The following FANCC variants were observed in gnomAD, a reference collection of about 807,000 sequenced individuals.
FANCC encodes Fanconi anemia group C protein.
FANCC carries 55 observed loss-of-function variants against 71.3 expected under a neutral mutation model. The ratio of observed to expected loss-of-function variants is 0.77; its 90% confidence interval spans 0.62 to 0.97. The LOEUF (loss-of-function observed/expected upper bound fraction) is 0.97, where lower values mean the gene tolerates loss of function less well. FANCC is among the 50% of genes least tolerant of loss of function. The pLI, the probability that FANCC is intolerant of heterozygous loss-of-function variation, is 0.00. For synonymous variants in FANCC, 275 were observed against 244.9 expected, an observed-to-expected ratio of 1.12 and a Z score of -1.15; for missense variants, 678 against 670.9, an observed-to-expected ratio of 1.01 and a Z score of -0.12.
intron 12 of FANCC, among the ~76,000 whole-genome samples, chr9:95,113,052 G>A (rs965737028): frequency 7.2e-5 from 11 of 152,230 alleles, no homozygotes; most frequent in Non-Finnish European, 1.5e-4. Flanking sequence ...CTGTCCCCGA[G>A]TTAAGATTCT....
intron 1 of FANCC, among the ~76,000 whole-genome samples, chr9:95,263,636 G>C (rs1245794398): frequency 6.6e-6 from 1 of 152,048 alleles, no homozygotes; most frequent in Admixed American, 6.5e-5. Context: ...AGCTGTCAGA[G>C]AGAGGTCATC....
At chr9:95,126,505 T>C (rs960624065) in intron 9 of FANCC, 24 bp downstream of exon 9, 1 of 1,608,914 alleles carries the variant, frequency 6.2e-7, no homozygotes, top group Non-Finnish European at 8.5e-7. Flanking sequence ...CATCAATTAC[T>C]AGAAGAAACA....
At chr9:95,128,171 G>A (rs904236167) in intron 8 of FANCC, among the ~76,000 whole-genome samples, 1 of 152,102 alleles carries the variant, frequency 6.6e-6, no homozygotes, top group African/African-American at 2.4e-5. Context: ...GTTATTAAGA[G>A]GTCACCGGAT....
At chr9:95,247,387 A>C in intron 3 of FANCC, 45 bp downstream of exon 3, 1 of 1,408,058 alleles carries the variant, frequency 7.1e-7, no homozygotes, top group Non-Finnish European at 1.0e-6. Context: ...AAACAATGCA[A>C]AGATTAAAAT....
chr9:95,216,369 G>A (rs1828863109), intron 4 of FANCC, among the ~76,000 whole-genome samples: 1 of 152,146 alleles, frequency 6.6e-6, no homozygotes, highest in South Asian at 2.1e-4. Context: ...ATTGAAAATA[G>A]CAATTAATAA....
At chr9:95,251,504 C>CG (rs1831326640) in intron 1 of FANCC, among the ~76,000 whole-genome samples, 1 of 151,910 alleles carries the variant, frequency 6.6e-6, no homozygotes, top group African/African-American at 2.4e-5. Flanking sequence ...TTAGTAGAGA[C>CG]GGGGTCTCAC....
At chr9:95,259,343 A>G (rs1014039500) in intron 1 of FANCC, among the ~76,000 whole-genome samples, 3 of 152,192 alleles carry the variant, frequency 2.0e-5, no homozygotes, top group Non-Finnish European at 1.5e-5. Flanking sequence ...ACCAAAACAG[A>G]GATATAGGCC....
intron 4 of FANCC, among the ~76,000 whole-genome samples, chr9:95,221,629 T>C (rs1380318708): frequency 6.6e-6 from 1 of 152,174 alleles, no homozygotes; most frequent in African/African-American, 2.4e-5. Flanking sequence ...TGAATACATA[T>C]CTTTGACAAA....
chr9:95,283,148 T>A (rs1373102525), intron 1 of FANCC, among the ~76,000 whole-genome samples: 15 of 152,218 alleles, frequency 9.9e-5, no homozygotes, highest in Admixed American at 9.8e-4. Context: ...AGTGGCACAA[T>A]CATAGCTCAC....
intron 11 of FANCC, among the ~76,000 whole-genome samples, chr9:95,116,367 A>C (rs1280464435): frequency 6.6e-6 from 1 of 152,236 alleles, no homozygotes; most frequent in African/African-American, 2.4e-5. Flanking sequence ...AGCATCTGAG[A>C]AGACAGTGTT....
intron 4 of FANCC, among the ~76,000 whole-genome samples, chr9:95,177,286 G>C (rs1156822699): frequency 6.6e-6 from 1 of 152,158 alleles, no homozygotes; most frequent in Non-Finnish European, 1.5e-5. Context: ...AAAAGGTACA[G>C]TAAAACTATG....
At chr9:95,162,377 T>G (rs1380593421) in intron 6 of FANCC, among the ~76,000 whole-genome samples, 2 of 152,242 alleles carry the variant, frequency 1.3e-5, no homozygotes, top group Non-Finnish European at 2.9e-5. Flanking sequence ...CATAGGTTAC[T>G]TCCACCTCTT....
chr9:95,223,196 A>G (rs1829389926), intron 4 of FANCC, among the ~76,000 whole-genome samples: 1 of 152,202 alleles, frequency 6.6e-6, no homozygotes, highest in South Asian at 2.1e-4. Context: ...AGTGGCTTAA[A>G]CCACAGAAAT....
chr9:95,255,231 T>C (rs1831586973), intron 1 of FANCC, among the ~76,000 whole-genome samples: 1 of 152,124 alleles, frequency 6.6e-6, no homozygotes, highest in Non-Finnish European at 1.5e-5. Flanking sequence ...CCTCCTCAAG[T>C]GGGTCCCTGA....
intron 1 of FANCC, among the ~76,000 whole-genome samples, chr9:95,281,350 C>A (rs1029332523): frequency 6.6e-6 from 1 of 151,776 alleles, no homozygotes; most frequent in Non-Finnish European, 1.5e-5. Flanking sequence ...TAACAAGAGA[C>A]CTCTAAGCAG....
chr9:95,278,464 C>T (rs1401115575), intron 1 of FANCC, among the ~76,000 whole-genome samples: 1 of 152,064 alleles, frequency 6.6e-6, no homozygotes, highest in African/African-American at 2.4e-5. Flanking sequence ...ACACTATAAC[C>T]AAGCAGACCT....
chr9:95,286,093 T>G (rs552058372), intron 1 of FANCC, among the ~76,000 whole-genome samples: 5 of 152,326 alleles, frequency 3.3e-5, no homozygotes, highest in Admixed American at 2.6e-4. Flanking sequence ...ATATACAATA[T>G]GATTGCAATT....
chr9:95,107,415 C>T (rs547012831), intron 13 of FANCC, 146 bp from the exon 14 acceptor site: 4 of 799,342 alleles, frequency 5.0e-6, no homozygotes, highest in South Asian at 1.5e-5. Context: ...GCCGAATTTA[C>T]ACTCGATTTC....
intron 4 of FANCC, among the ~76,000 whole-genome samples, chr9:95,191,898 T>C (rs757700998): frequency 6.6e-6 from 1 of 152,160 alleles, no homozygotes; most frequent in African/African-American, 2.4e-5. Context: ...ACCTGCATGC[T>C]GTCACAGCCT....
Sources: allele counts gnomAD v4.1 joint callset (sites outside exome capture counted in the v4.1 genomes callset), GRCh38; gene constraint gnomAD v4.1.1; transcripts MANE v1.5; gene names NCBI Gene and HGNC (gene_info 2026-07-23, HGNC 2026-07-21).